The following CNTN4 variants were observed in gnomAD, a reference collection of about 807,000 sequenced individuals.
CNTN4 encodes the protein contactin-4.
In CNTN4, 77 loss-of-function variants were observed where a neutral mutation model predicts 122.5. The observed-to-expected ratio is 0.63, with a 90% CI of 0.52 to 0.76. The LOEUF (loss-of-function observed/expected upper bound fraction) is 0.76, where lower values mean the gene tolerates loss of function less well. Ranked by LOEUF, CNTN4 falls within the 30% of genes least tolerant of loss-of-function variation. The probability of loss-of-function intolerance (pLI) is 0.00; values close to 1 mark genes in which losing one functional copy is unlikely to be tolerated. For synonymous variants in CNTN4, 512 were observed against 447.0 expected (o/e 1.15, Z -1.83); for missense variants, 1,256 against 1,259.1 (o/e 1.00, Z 0.04).
At chr3:2,925,218 A>T (rs2094462147) in intron 12 of CNTN4, among the ~76,000 whole-genome samples, 1 of 152,204 alleles carries the variant, frequency 6.6e-6, no homozygotes, top group Non-Finnish European at 1.5e-5. Context: ...TAAAAAAATT[A>T]GCTTCCTCCC....
intron 4 of CNTN4, among the ~76,000 whole-genome samples, chr3:2,649,977 A>T (rs1396515166): frequency 6.7e-6 from 1 of 149,456 alleles, no homozygotes; most frequent in Non-Finnish European, 1.5e-5. Flanking sequence ...AAATACAAAT[A>T]TATCTATCTA....
chr3:2,223,731 C>T (rs1489893187), intron 2 of CNTN4, among the ~76,000 whole-genome samples: 3 of 152,142 alleles, frequency 2.0e-5, no homozygotes, highest in Non-Finnish European at 2.9e-5. Context: ...TGCTGCATGC[C>T]TGCATCCTTC....
intron 2 of CNTN4, among the ~76,000 whole-genome samples, chr3:2,275,813 A>G (rs148595915): frequency 0.1 from 15,199 of 150,704 alleles, 863 homozygotes; most frequent in Middle Eastern, 0.14. Flanking sequence ...CCAGCTACTC[A>G]GGAAGCTGAG....
intron 14 of CNTN4, among the ~76,000 whole-genome samples, chr3:3,013,839 C>T (rs921864051): frequency 2.6e-5 from 4 of 152,126 alleles, no homozygotes; most frequent in Non-Finnish European, 4.4e-5. Flanking sequence ...ACTCTGTTCA[C>T]TCTTGCACTG....
chr3:2,790,694 A>G (rs908116977), intron 6 of CNTN4, among the ~76,000 whole-genome samples: 4 of 152,166 alleles, frequency 2.6e-5, no homozygotes, highest in African/African-American at 7.2e-5. Context: ...GGCAAGTTTG[A>G]TGTCTGTCAT....
At chr3:2,369,010 C>T (rs553690184) in intron 3 of CNTN4, among the ~76,000 whole-genome samples, 5 of 152,130 alleles carry the variant, frequency 3.3e-5, no homozygotes, top group South Asian at 4.2e-4. Context: ...CTGCAACCTC[C>T]GCCTCCCAGG....
At chr3:2,149,841 A>G (rs1312927239) in intron 2 of CNTN4, among the ~76,000 whole-genome samples, 3 of 151,992 alleles carry the variant, frequency 2.0e-5, no homozygotes, top group Non-Finnish European at 2.9e-5. Flanking sequence ...TGACTTGTGT[A>G]TTTTCACTTC....
intron 2 of CNTN4, among the ~76,000 whole-genome samples, chr3:2,272,124 T>G (rs372786837): frequency 1.3e-5 from 2 of 150,712 alleles, no homozygotes; most frequent in South Asian, 2.1e-4. Flanking sequence ...TAATGAGTAC[T>G]TTCTTGATTT....
chr3:2,366,202 T>G lies in CNTN4; in HGVS notation c.-89+26969T>G, dbSNP rs141154232. Among the ~76,000 whole-genome samples the G allele has an allele frequency of 3.3e-5, 5 of 152,318 alleles. No homozygotes were observed. The East Asian group carries it at 7.7e-4, about 24-fold the overall frequency. ...TCTTCATTTCTTGGTTATTTCAGTTTCCAAAAAGTGAATTTATACAGGTAG... is the reference window on the plus strand; with the variant it reads ...TCTTCATTTCTTGGTTATTTCAGTTGCCAAAAAGTGAATTTATACAGGTAG... On this transcript the variant is annotated intron_variant, in intron 3 of 24. Coordinates refer to ENST00000418658, the MANE Select transcript of CNTN4 (RefSeq NM_175607.3).
intron 2 of CNTN4, among the ~76,000 whole-genome samples, chr3:2,287,130 G>A (rs542586319): frequency 4.6e-5 from 7 of 152,214 alleles, no homozygotes; most frequent in East Asian, 1.9e-4. Flanking sequence ...TCATTTGATG[G>A]TAGTTGAACT....
chr3:2,336,647 A>C (rs1183600), intron 2 of CNTN4, among the ~76,000 whole-genome samples: 102,695 of 151,948 alleles, frequency 0.68, 35,358 homozygotes, highest in East Asian at 0.95. Flanking sequence ...TTGAAACCAT[A>C]TGCCAGGCAA....
chr3:2,531,410 C>G (rs1026385697), intron 3 of CNTN4, among the ~76,000 whole-genome samples: 1 of 152,126 alleles, frequency 6.6e-6, no homozygotes, highest in Non-Finnish European at 1.5e-5. Flanking sequence ...TTTGGAGGAA[C>G]AAATGAGGGA....
intron 23 of CNTN4, among the ~76,000 whole-genome samples, chr3:3,044,687 G>A (rs922099702): frequency 1.3e-5 from 2 of 152,206 alleles, no homozygotes; most frequent in Non-Finnish European, 1.5e-5. Flanking sequence ...CGTGAGCAAC[G>A]CAGTAGACTG....
intron 2 of CNTN4, among the ~76,000 whole-genome samples, chr3:2,256,484 A>G (rs999751365): frequency 3.9e-4 from 60 of 152,306 alleles, no homozygotes; most frequent in African/African-American, 1.4e-3. Context: ...CAGAGACACA[A>G]CAAAAAAAGA....
At chr3:3,000,416 TG>T (rs1695922744) in intron 14 of CNTN4, among the ~76,000 whole-genome samples, 1 of 152,150 alleles carries the variant, frequency 6.6e-6, no homozygotes, top group African/African-American at 2.4e-5. Flanking sequence ...GGGTGGTCAG[TG>T]TTTTCAAACA....
At chr3:2,548,596 A>T (rs1201550280) in intron 3 of CNTN4, among the ~76,000 whole-genome samples, 2 of 152,134 alleles carry the variant, frequency 1.3e-5, no homozygotes, top group African/African-American at 4.8e-5. Context: ...TATACTTTGA[A>T]GTCAGGTAGC....
At chr3:2,234,251 A>C (rs2039596531) in intron 2 of CNTN4, among the ~76,000 whole-genome samples, 2 of 151,224 alleles carry the variant, frequency 1.3e-5, no homozygotes, top group Admixed American at 6.6e-5. Flanking sequence ...GGTAACGCAC[A>C]CCTGTAATCC....
At chr3:2,599,951 T>C (rs1284920751) in intron 4 of CNTN4, among the ~76,000 whole-genome samples, 1 of 149,956 alleles carries the variant, frequency 6.7e-6, no homozygotes, top group Non-Finnish European at 1.5e-5. Context: ...GTGACAAAAA[T>C]GTTCAACCTT....
At chr3:2,519,177 A>G (rs1201002011) in intron 3 of CNTN4, among the ~76,000 whole-genome samples, 2 of 152,140 alleles carry the variant, frequency 1.3e-5, no homozygotes, top group Non-Finnish European at 2.9e-5. Flanking sequence ...CCCTCCTTGT[A>G]CCAACTGTGT....
Sources: allele counts gnomAD v4.1 joint callset (sites outside exome capture counted in the v4.1 genomes callset), GRCh38; gene constraint gnomAD v4.1.1; transcripts MANE v1.5; gene names NCBI Gene and HGNC (gene_info 2026-07-23, HGNC 2026-07-21).